The following SKP2 variants were observed in gnomAD, a reference collection of about 807,000 sequenced individuals.
SKP2 encodes the protein S-phase kinase-associated protein 2.
In SKP2, 16 loss-of-function variants were observed where a neutral mutation model predicts 51.8. That is an observed-to-expected ratio of 0.31 (90% CI 0.21 to 0.47). The LOEUF (loss-of-function observed/expected upper bound fraction) is 0.47. SKP2 is among the 20% of genes least tolerant of loss of function. The pLI, the probability that SKP2 is intolerant of heterozygous loss-of-function variation, is 1.00. For synonymous variants in SKP2, 176 were observed against 198.6 expected (o/e 0.89, Z 0.96); for missense variants, 377 against 505.3 (o/e 0.75, Z 2.43).
intron 2 of SKP2, among the ~76,000 whole-genome samples, chr5:36,162,922 G>A (rs979327689): frequency 2.0e-5 from 3 of 152,162 alleles, no homozygotes; most frequent in Non-Finnish European, 2.9e-5. Context: ...GAGCAAAGGG[G>A]TCGGGGAAGC....
chr5:36,186,408 T>C (rs1418484905), downstream of SKP2, among the ~76,000 whole-genome samples: 1 of 152,236 alleles, frequency 6.6e-6, no homozygotes, highest in African/African-American at 2.4e-5. Context: ...ATAGCTCTTA[T>C]TATTTTGAGA....
At chr5:36,175,220 C>G (rs1430605447) in intron 7 of SKP2, among the ~76,000 whole-genome samples, 3 of 152,080 alleles carry the variant, frequency 2.0e-5, no homozygotes, top group Non-Finnish European at 4.4e-5. Flanking sequence ...AAATAGTCCA[C>G]TATGATTTCA....
At chr5:36,192,611 T>C (rs2112031249) in intron 6 of SKP2, 1 of 152,300 alleles carries the variant, frequency 6.6e-6, no homozygotes. Context: ...TAATATGATT[T>C]AATGTACAGG....
At chr5:36,167,120 CTTTTTG>C (rs138402016) in intron 4 of SKP2, among the ~76,000 whole-genome samples, 4,915 of 152,190 alleles carry the variant, frequency 0.032, 157 homozygotes, top group African/African-American at 0.077. Context: ...AAAATGCCCT[CTTTTTG>C]TTTGTTTTGT....
chr5:36,154,849 A>C (rs1403435643), intron 2 of SKP2, among the ~76,000 whole-genome samples: 2 of 152,064 alleles, frequency 1.3e-5, no homozygotes, highest in Non-Finnish European at 2.9e-5. Context: ...CCAAAGCTTG[A>C]AGTCTTGTTG....
chr5:36,155,403 C>T (rs183508549), intron 2 of SKP2, among the ~76,000 whole-genome samples: 17 of 152,226 alleles, frequency 1.1e-4, no homozygotes, highest in African/African-American at 3.9e-4. Flanking sequence ...GAAAGTTATT[C>T]GAGCTTTCTT....
chr5:36,172,902 C>A (rs1186583609), intron 7 of SKP2, among the ~76,000 whole-genome samples: 1 of 152,040 alleles, frequency 6.6e-6, no homozygotes, highest in South Asian at 2.1e-4. Flanking sequence ...ATACCACTCT[C>A]CCCACCCAGT....
rs190827617 is a variant in SKP2 at position 36,177,143 on chromosome 5, A to G, written c.954-42A>G. The stretch of plus-strand genomic sequence containing the variant: ...ATTTCTGTCTTCTTTATCTAGGATC[A>G]ATGTGTGATTTTCAATATCTTTTCT... On this transcript the variant is annotated intron_variant, in intron 8 of 9. Coordinates refer to ENST00000274255, the MANE Select transcript of SKP2 (RefSeq NM_005983.4). 4.3e-4 allele frequency: 591 copies of G among 1,376,654 alleles called. 3 individuals carry two copies. The East Asian group carries it at 0.013, about 30-fold the overall frequency. 85.3% of individuals were successfully genotyped at this position (1,376,654 alleles called of 1,614,324 possible).
intron 6 of SKP2, among the ~76,000 whole-genome samples, chr5:36,171,064 A>G (rs945113808): frequency 6.6e-6 from 1 of 152,210 alleles, no homozygotes; most frequent in African/African-American, 2.4e-5. Context: ...TATCAGTGAG[A>G]TCAAATGTAT....
downstream of SKP2, among the ~76,000 whole-genome samples, chr5:36,189,090 A>G (rs1156677680): frequency 6.6e-6 from 1 of 152,068 alleles, no homozygotes; most frequent in Non-Finnish European, 1.5e-5. Flanking sequence ...TTATTTAAGG[A>G]CTTCTCTACA....
intron 9 of SKP2, 90 bp downstream of exon 9, chr5:36,177,382 T>A: frequency 1.2e-6 from 1 of 814,842 alleles, no homozygotes; most frequent in Non-Finnish European, 2.2e-6. Context: ...TTAATAGACA[T>A]ATGAAACCGA....
At position 36,177,162 on chromosome 5, in the gene SKP2, C is replaced by A. The variant is rs771425742; in HGVS notation, c.954-23C>A. ...AGGATCAATGTGTGATTTTCAATAT[C>A]TTTTCTTCTGCCTTCTTAACAGTGA... is the stretch of plus-strand genomic sequence containing the variant. On this transcript the variant is annotated intron_variant, in intron 8 of 9. Coordinates refer to ENST00000274255, the MANE Select transcript of SKP2 (RefSeq NM_005983.4). 9.9e-6 allele frequency: 15 copies of A among 1,509,494 alleles called. No individual in the cohort carries two copies. In the Admixed American group the frequency reaches 2.3e-4, roughly 24 times the overall value. The allele number at this position is 1,509,494 out of a possible 1,614,324, so 93.5% of individuals were successfully genotyped here. A position where few individuals can be genotyped will look rare whatever the true frequency, so the allele number is the denominator to read the frequency against.
intron 7 of SKP2, among the ~76,000 whole-genome samples, chr5:36,176,091 G>T (rs913523063): frequency 6.6e-6 from 1 of 151,970 alleles, no homozygotes; most frequent in African/African-American, 2.4e-5. Flanking sequence ...CTTTATGGTA[G>T]ACCTACTTTA....
chr5:36,163,251 T>G (rs1421382078), intron 2 of SKP2, among the ~76,000 whole-genome samples: 1 of 152,242 alleles, frequency 6.6e-6, no homozygotes, highest in Non-Finnish European at 1.5e-5. Flanking sequence ...GAATTGACAA[T>G]GTCATTGAAT....
At chr5:36,186,768 A>G (rs1745959732), downstream of SKP2, among the ~76,000 whole-genome samples, 3 of 152,100 alleles carry the variant, frequency 2.0e-5, no homozygotes, top group South Asian at 6.2e-4. Flanking sequence ...AAAATGAGTT[A>G]AGGAGGATTC....
At chr5:36,166,104 T>C (rs1745278760) in intron 3 of SKP2, among the ~76,000 whole-genome samples, 1 of 152,244 alleles carries the variant, frequency 6.6e-6, no homozygotes. Flanking sequence ...ACAGTAATCA[T>C]AATTGCTTGA....
intron 3 of SKP2, 98 bp downstream of exon 3, chr5:36,163,854 T>C (rs1322573233): frequency 1.3e-6 from 1 of 776,042 alleles, no homozygotes; most frequent in Non-Finnish European, 2.2e-6. Flanking sequence ...CCAAGAAAAA[T>C]AGAGCAGCGC....
At chr5:36,181,783 A>G (rs1745819181) in intron 9 of SKP2, 35 bp from the exon 10 acceptor site, 2 of 1,610,800 alleles carry the variant, frequency 1.2e-6, no homozygotes, top group African/African-American at 1.3e-5. Flanking sequence ...TTCCATAGAT[A>G]CTGCTATTCT....
At chr5:36,176,368 GTTTTC>G (rs549627287) in intron 7 of SKP2, among the ~76,000 whole-genome samples, 9 of 151,324 alleles carry the variant, frequency 5.9e-5, no homozygotes, top group African/African-American at 2.2e-4. Context: ...TGTTCCCTAT[GTTTTC>G]TTTTATGTTT....
Sources: gnomAD v4.1 joint callset for allele counts (sites outside exome capture counted in the v4.1 genomes callset) on GRCh38, gnomAD v4.1.1 for gene constraint, MANE v1.5 for transcripts, NCBI Gene and HGNC (gene_info 2026-07-23, HGNC 2026-07-21) for gene names.